The following GLRB variants were observed in gnomAD, a reference collection of about 807,000 sequenced individuals.
GLRB encodes glycine receptor subunit beta.
A neutral mutation model predicts 54.2 loss-of-function variants in GLRB; 33 were observed. That is an observed-to-expected ratio of 0.61 (90% CI 0.46 to 0.81). GLRB has a LOEUF of 0.81. Ranked by LOEUF, GLRB falls within the 40% of genes least tolerant of loss-of-function variation. The pLI, the probability that GLRB is intolerant of heterozygous loss-of-function variation, is 0.00. For synonymous variants in GLRB, 209 were observed against 208.2 expected, an observed-to-expected ratio of 1.00 and a Z score of -0.03; for missense variants, 572 against 584.6, an observed-to-expected ratio of 0.98 and a Z score of 0.22.
chr4:157,091,457 C>T (rs1346104804), intron 2 of GLRB: 2 of 152,072 alleles, frequency 1.3e-5, no homozygotes, highest in African/African-American at 4.8e-5. Context: ...GCTTTGGTAC[C>T]ATCAGTGCAA....
chr4:157,165,580 T>C (rs745335344), intron 9 of GLRB, among the ~76,000 whole-genome samples: 1 of 151,978 alleles, frequency 6.6e-6, no homozygotes, highest in Non-Finnish European at 1.5e-5. Context: ...TTTTTATAAT[T>C]TGTGGCCTGT....
At chr4:157,111,761 G>T (rs1257651790) in intron 2 of GLRB, among the ~76,000 whole-genome samples, 1 of 151,866 alleles carries the variant, frequency 6.6e-6, no homozygotes, top group Non-Finnish European at 1.5e-5. Flanking sequence ...GTCATATGCA[G>T]TCCCTCATTC....
At chr4:157,123,297 AT>A (rs906561170) in intron 4 of GLRB, among the ~76,000 whole-genome samples, 3 of 151,680 alleles carry the variant, frequency 2.0e-5, no homozygotes, top group African/African-American at 7.3e-5. Context: ...GTACAGTCTA[AT>A]TTTCCTGAGA....
At chr4:157,152,675 T>A (rs746393910) in intron 8 of GLRB, 43 bp from the exon 9 acceptor site, 4 of 1,508,498 alleles carry the variant, frequency 2.7e-6, no homozygotes, top group Non-Finnish European at 3.7e-6. Flanking sequence ...GAACATCTCA[T>A]AGGGATAAAA....
At position 157,094,169 on chromosome 4, in the gene GLRB, G is replaced by A. The variant is rs77938152; in HGVS notation, c.122+16023G>A. Among the ~76,000 whole-genome samples the A allele has an allele frequency of 7.8e-3, 1,193 of 152,188 alleles. 22 individuals are homozygous for A. In the East Asian group the frequency reaches 0.1, roughly 13 times the overall value. ...ATGTTCACCTTGGTAACCAGCACAC[G>A]GATCTAGAAACAGAACATGTCCAAA... On this transcript the variant is annotated intron_variant, in intron 2 of 9. Transcript: ENST00000264428.
At chr4:157,168,115 A>ATTTT (rs111436022) in intron 9 of GLRB, among the ~76,000 whole-genome samples, 8 of 145,214 alleles carry the variant, frequency 5.5e-5, no homozygotes, top group African/African-American at 1.0e-4. Context: ...ACCAGTTCCT[A>ATTTT]TTTTTTTTTT....
At position 157,122,352 on chromosome 4, in the gene GLRB, C is replaced by A. The variant is rs1321830707; in HGVS notation, c.252C>A (p.Val84=). 1.0e-5 allele frequency: 13 copies of A among 1,299,452 alleles called. No individual in the cohort carries two copies. Among genetic ancestry groups the A allele is most frequent in the Non-Finnish European group, 2.2e-6 (2 of 908,190 alleles). 80.5% of individuals were successfully genotyped at this position (1,299,452 alleles called of 1,614,324 possible). A position where few individuals can be genotyped will look rare whatever the true frequency, so the allele number is the denominator to read the frequency against. Residue 84 remains valine, a synonymous_variant, in exon 4 of 10, where the codon GTC becomes GTA. Transcript: ENST00000264428. ...NFKGIPVDVV[V]NIFINSFGSI... ...TAGGCATTCCTGTTGATGTAGTAGT[C>A]AACATTTTTATTAACAGTTTTGGAT... is the stretch of plus-strand genomic sequence containing the variant.
intron 2 of GLRB, among the ~76,000 whole-genome samples, chr4:157,106,242 T>C (rs1735219439): frequency 6.6e-6 from 1 of 152,148 alleles, no homozygotes; most frequent in Admixed American, 6.6e-5. Context: ...GGATGTATGA[T>C]ATTTTTTGCA....
chr4:157,079,481 C>T (rs908803850), intron 2 of GLRB, among the ~76,000 whole-genome samples: 1 of 152,154 alleles, frequency 6.6e-6, no homozygotes, highest in Non-Finnish European at 1.5e-5. Flanking sequence ...TAATGTCTAG[C>T]ATTAAATTCA....
rs369514260 is a variant in GLRB at position 157,167,331 on chromosome 4, C to G, written c.1198-3101C>G. Among the ~76,000 whole-genome samples, 27 of 152,322 alleles carry G rather than the reference C, an allele frequency of 1.8e-4. 1 individual carries two copies. The East Asian group carries it at 2.1e-3, about 12-fold the overall frequency. ...ATTCCAATCAAGATAGTGAGTTACT[C>G]TTTACAAAAGTTCACTGATACATGT... On this transcript the variant is annotated intron_variant, in intron 9 of 9. Coordinates refer to ENST00000264428, the MANE Select transcript of GLRB (RefSeq NM_000824.5).
intron 6 of GLRB, among the ~76,000 whole-genome samples, chr4:157,137,410 A>G (rs7654641): frequency 0.086 from 13,038 of 151,860 alleles, 1,531 homozygotes; most frequent in African/African-American, 0.27. Flanking sequence ...TGAAATTATT[A>G]TTTATCTATA....
At chr4:157,132,294 A>G (rs989922500) in intron 4 of GLRB, among the ~76,000 whole-genome samples, 3 of 151,560 alleles carry the variant, frequency 2.0e-5, no homozygotes, top group African/African-American at 4.8e-5. Context: ...CTTTGTATAT[A>G]TCTTGGCCTT....
intron 4 of GLRB, among the ~76,000 whole-genome samples, chr4:157,135,658 A>C (rs1736370931): frequency 6.6e-6 from 1 of 152,178 alleles, no homozygotes; most frequent in Admixed American, 6.6e-5. Flanking sequence ...TCCTTTATAA[A>C]TTACCCATTC....
intron 9 of GLRB, among the ~76,000 whole-genome samples, chr4:157,157,812 G>T (rs193230269): frequency 1.3e-5 from 2 of 152,304 alleles, no homozygotes; most frequent in East Asian, 3.9e-4. Context: ...GTGTGCATGT[G>T]TCTTTATAGC....
chr4:157,158,639 T>G (rs1056896705), intron 9 of GLRB, among the ~76,000 whole-genome samples: 9 of 152,172 alleles, frequency 5.9e-5, no homozygotes, highest in Non-Finnish European at 1.3e-4. Flanking sequence ...ATCAGATGGT[T>G]GTAGATGTGT....
chr4:157,123,701 C>T (rs1276964111), intron 4 of GLRB, among the ~76,000 whole-genome samples: 2 of 151,754 alleles, frequency 1.3e-5, no homozygotes, highest in Non-Finnish European at 2.9e-5. Flanking sequence ...TGTCTATATA[C>T]TTCACTTTCC....
chr4:157,141,384 T>G (rs1736603765), intron 7 of GLRB, among the ~76,000 whole-genome samples: 1 of 151,876 alleles, frequency 6.6e-6, no homozygotes, highest in African/African-American at 2.4e-5. Flanking sequence ...ATACATGCAA[T>G]AGTTAACAGC....
chr4:157,088,855 A>G (rs1332852430), intron 2 of GLRB, among the ~76,000 whole-genome samples: 1 of 152,102 alleles, frequency 6.6e-6, no homozygotes, highest in African/African-American at 2.4e-5. Flanking sequence ...GGAAAAATGT[A>G]TATAGTTTTT....
chr4:157,148,308 G>A (rs1448570437), intron 8 of GLRB, among the ~76,000 whole-genome samples: 4 of 151,608 alleles, frequency 2.6e-5, no homozygotes, highest in Admixed American at 1.3e-4. Flanking sequence ...TTATTTTATC[G>A]ATATTTTCAA....
Sources: allele counts gnomAD v4.1 joint callset (sites outside exome capture counted in the v4.1 genomes callset), GRCh38; gene constraint gnomAD v4.1.1; transcripts MANE v1.5; gene names NCBI Gene and HGNC (gene_info 2026-07-23, HGNC 2026-07-21).